The following UBR1 variants were observed in gnomAD, a reference collection of about 807,000 sequenced individuals.
UBR1 encodes the protein ubiquitin protein ligase E3 component n-recognin 1.
A neutral mutation model predicts 242.1 loss-of-function variants in UBR1; 102 were observed. That is an observed-to-expected ratio of 0.42 (90% CI 0.36 to 0.50). The LOEUF (loss-of-function observed/expected upper bound fraction) is 0.50. Ranked by LOEUF, UBR1 falls within the 20% of genes least tolerant of loss-of-function variation. UBR1 has a pLI of 0.01. For missense variants in UBR1, 1,772 were observed against 2,101.8 expected (o/e 0.84, Z 3.07); for synonymous variants, 675 against 684.8 (o/e 0.99, Z 0.22).
At chr15:43,090,945 T>A (rs2034098557) in intron 1 of UBR1, among the ~76,000 whole-genome samples, 1 of 152,150 alleles carries the variant, frequency 6.6e-6, no homozygotes, top group Non-Finnish European at 1.5e-5. Flanking sequence ...TTTATTTATT[T>A]TTATTTTTTT....
Position 42,945,460 on chromosome 15 carries a change from G to A in UBR1, c.5119C>T (p.Pro1707Ser). ...ETDPGLKRGN[P>S]LHLSRERYRK... Reference sequence around the variant, plus strand: ...TACCGCTCACGAGATAAATGAAGGGGGTTGCCCCTCCTTTAGGGAAAAAAG... The same window carrying A: ...TACCGCTCACGAGATAAATGAAGGGAGTTGCCCCTCCTTTAGGGAAAAAAG... Residue 1707 changes from proline to serine, a missense_variant, in exon 47 of 47, where the codon CCC becomes TCC. Pro to Ser is a moderately conservative substitution (Grantham distance 74). This residue lies in a region of UBR1 where 965 missense variants were observed against 1,079.7 expected (regional missense o/e 0.89). Transcript: ENST00000290650. 6.2e-7 allele frequency: 1 copy of A among 1,614,022 alleles called. No homozygotes were observed.
At chr15:42,971,835 A>G (rs2032211876) in intron 39 of UBR1, among the ~76,000 whole-genome samples, 1 of 152,202 alleles carries the variant, frequency 6.6e-6, no homozygotes, top group African/African-American at 2.4e-5. Flanking sequence ...CACCCACAAA[A>G]TAAGATTTTT....
At chr15:43,099,077 C>T (rs977434593) in intron 1 of UBR1, among the ~76,000 whole-genome samples, 1 of 152,180 alleles carries the variant, frequency 6.6e-6, no homozygotes, top group Non-Finnish European at 1.5e-5. Context: ...TGGCTCACAT[C>T]TGTAATCCCA....
chr15:42,964,259 C>G (rs1318806539), intron 41 of UBR1, among the ~76,000 whole-genome samples: 6 of 152,064 alleles, frequency 3.9e-5, no homozygotes, highest in Non-Finnish European at 7.4e-5. Context: ...CACCTGAGGT[C>G]GGGAGTTCAA....
chr15:43,058,476 G>A, intron 9 of UBR1, 47 bp from the exon 10 acceptor site: 2 of 1,379,648 alleles, frequency 1.4e-6, no homozygotes, highest in Non-Finnish European at 2.0e-6. Flanking sequence ...GAATCACCAA[G>A]GCAAAAACCA....
rs2031771020 is a variant in UBR1, at chr15:42,948,310, C to T, written c.5108+1952G>A. On this transcript the variant is annotated intron_variant, in intron 46 of 46. Transcript: ENST00000290650. ...ATGGATTAAAGACTTAAACGTTAGA[C>T]CTAAAACCATAAAAACCCTAGAAGA... 1.3e-5 allele frequency among the ~76,000 whole-genome samples: 2 copies of T among 151,930 alleles called. 1 individual carries two copies. The highest frequency in any genetic ancestry group is 4.2e-4 in the South Asian group (2 of 4,812).
At chr15:43,051,686 T>C (rs1036775152) in intron 12 of UBR1, among the ~76,000 whole-genome samples, 1 of 152,088 alleles carries the variant, frequency 6.6e-6, no homozygotes, top group Non-Finnish European at 1.5e-5. Context: ...TCTAACAATC[T>C]CACATAGCTA....
intron 6 of UBR1, 39 bp from the exon 7 acceptor site, chr15:43,060,153 A>T: frequency 1.3e-6 from 2 of 1,585,660 alleles, no homozygotes. Context: ...TAGTGAAATG[A>T]TAACCACAAT....
intron 32 of UBR1, among the ~76,000 whole-genome samples, chr15:43,001,678 T>C (rs963388616): frequency 2.0e-5 from 3 of 152,218 alleles, no homozygotes; most frequent in South Asian, 2.1e-4. Flanking sequence ...CAAGATGTTA[T>C]ACAAAAAATA....
intron 19 of UBR1, among the ~76,000 whole-genome samples, chr15:43,033,969 G>A (rs2033292714): frequency 6.6e-6 from 1 of 152,158 alleles, no homozygotes; most frequent in African/African-American, 2.4e-5. Flanking sequence ...GCCAGGTGTA[G>A]TGGCTCACGC....
At chr15:43,034,029 G>C (rs1288790168) in intron 19 of UBR1, among the ~76,000 whole-genome samples, 1 of 152,176 alleles carries the variant, frequency 6.6e-6, no homozygotes, top group East Asian at 1.9e-4. Context: ...CACAAGGTCA[G>C]GAGTTCGAAA....
intron 21 of UBR1, among the ~76,000 whole-genome samples, chr15:43,028,321 T>C (rs1596108411): frequency 6.6e-6 from 1 of 152,230 alleles, no homozygotes; most frequent in South Asian, 2.1e-4. Flanking sequence ...GACCTGATCT[T>C]TTCCTTAAAT....
At chr15:43,087,810 C>A (rs1003097351) in intron 1 of UBR1, among the ~76,000 whole-genome samples, 1 of 151,924 alleles carries the variant, frequency 6.6e-6, no homozygotes, top group African/African-American at 2.4e-5. Context: ...TGTCCCAAAA[C>A]AAGAGCTGAA....
At chr15:43,083,589 C>T (rs2033998539) in intron 2 of UBR1, among the ~76,000 whole-genome samples, 1 of 151,686 alleles carries the variant, frequency 6.6e-6, no homozygotes, top group South Asian at 2.1e-4. Flanking sequence ...ACCATGCTCG[C>T]CAGGCTGGTC....
In UBR1 at chr15:43,064,928, T is replaced by C. The variant is rs2033734157; in HGVS notation, c.798+2970A>G. Among the ~76,000 whole-genome samples, 4 of 152,290 alleles carry C rather than the reference T, an allele frequency of 2.6e-5. No homozygotes were observed. In the South Asian group the frequency reaches 8.3e-4, roughly 32 times the overall value. ...ACTAGGACAAAAACAAAAGGCTCCA[T>C]TTTTCTCCTAAGAAGGATATTTAAA... On this transcript the variant is annotated intron_variant, in intron 6 of 46. Transcript: ENST00000290650.
At chr15:43,036,053 C>T in intron 19 of UBR1, 125 bp downstream of exon 19, 3 of 782,102 alleles carry the variant, frequency 3.8e-6, no homozygotes, top group Non-Finnish European at 4.2e-6. Flanking sequence ...ACAATGTGCA[C>T]ATGTACCCTA....
intron 12 of UBR1, among the ~76,000 whole-genome samples, chr15:43,053,803 C>T (rs1418604630): frequency 1.3e-5 from 2 of 150,744 alleles, no homozygotes; most frequent in African/African-American, 4.9e-5. Context: ...GCTATGTTGT[C>T]CAGGCTGGTC....
At chr15:43,095,335 A>T (rs1216596833) in intron 1 of UBR1, among the ~76,000 whole-genome samples, 1 of 152,214 alleles carries the variant, frequency 6.6e-6, no homozygotes, top group Non-Finnish European at 1.5e-5. Context: ...TTTGTTCTGA[A>T]GAGTGGCATT....
chr15:43,064,863 C>A (rs183112122), intron 6 of UBR1, among the ~76,000 whole-genome samples: 1 of 152,190 alleles, frequency 6.6e-6, no homozygotes, highest in South Asian at 2.1e-4. Context: ...AGCCACCACA[C>A]CCGGCCCTAT....
Sources: allele counts gnomAD v4.1 joint callset (sites outside exome capture counted in the v4.1 genomes callset), GRCh38; gene constraint gnomAD v4.1.1; regional missense constraint gnomAD v4.1.1; transcripts MANE v1.5; gene names NCBI Gene and HGNC (gene_info 2026-07-23, HGNC 2026-07-21).